The following SPAG16 variants were observed in gnomAD, a reference collection of about 807,000 sequenced individuals.
The protein encoded by SPAG16 is sperm associated antigen 16, also known as sperm-associated antigen 16 protein.
A neutral mutation model predicts 80.4 loss-of-function variants in SPAG16; 86 were observed. The observed-to-expected ratio is 1.07, with a 90% CI of 0.90 to 1.28. SPAG16 has a LOEUF of 1.28. Among genes scored for constraint, SPAG16 ranks in the 50% most tolerant of loss-of-function variants. SPAG16 has a pLI of 0.00. For synonymous variants in SPAG16, 294 were observed against 265.9 expected (o/e 1.11, Z -1.03); for missense variants, 870 against 765.3 (o/e 1.14, Z -1.61).
intron 15 of SPAG16, among the ~76,000 whole-genome samples, chr2:214,211,361 C>A (rs2058288359): frequency 6.6e-6 from 1 of 151,976 alleles, no homozygotes; most frequent in Admixed American, 6.6e-5. Context: ...GTGGTCAGGC[C>A]CACAAAAGTC....
intron 15 of SPAG16, among the ~76,000 whole-genome samples, chr2:214,401,847 T>C (rs891776284): frequency 6.6e-6 from 1 of 151,980 alleles, no homozygotes; most frequent in African/African-American, 2.4e-5. Context: ...TTGTAACCTT[T>C]TTGCTAGTGT....
intron 13 of SPAG16, among the ~76,000 whole-genome samples, chr2:214,100,105 A>G (rs947853956): frequency 1.3e-5 from 2 of 152,068 alleles, no homozygotes; most frequent in Non-Finnish European, 2.9e-5. Flanking sequence ...GTGAGTTAAC[A>G]TGAGATCTGA....
intron 12 of SPAG16, among the ~76,000 whole-genome samples, chr2:213,949,179 T>TTTTTTTTGTTTTTTTTTTTTGTTTTG (rs1553677663): frequency 2.8e-5 from 1 of 36,264 alleles, no homozygotes; most frequent in Non-Finnish European, 5.5e-5. Flanking sequence ...GTTTTTTTTT[T>TTTTTTTTGTTTTTTTTTTTTGTTTTG]TTTTTTTTTT....
intron 14 of SPAG16, among the ~76,000 whole-genome samples, chr2:214,110,141 AT>A (rs34336161): frequency 1.2e-4 from 18 of 151,974 alleles, no homozygotes; most frequent in African/African-American, 4.3e-4. Flanking sequence ...AAAGTAGCTA[AT>A]TTTTTTTATT....
At chr2:213,766,595 G>A (rs1210984331) in intron 10 of SPAG16, among the ~76,000 whole-genome samples, 1 of 152,160 alleles carries the variant, frequency 6.6e-6, no homozygotes, top group African/African-American at 2.4e-5. Flanking sequence ...ATCTCTGACA[G>A]CTCAGATATG....
intron 11 of SPAG16, among the ~76,000 whole-genome samples, chr2:213,920,836 G>A (rs1308632688): frequency 6.6e-6 from 1 of 152,242 alleles, no homozygotes; most frequent in Admixed American, 6.5e-5. Flanking sequence ...CGAGTGCTTA[G>A]GCACCAAATC....
intron 9 of SPAG16, among the ~76,000 whole-genome samples, chr2:213,459,631 G>A (rs1173114647): frequency 6.6e-6 from 1 of 152,178 alleles, no homozygotes; most frequent in African/African-American, 2.4e-5. Flanking sequence ...TGTAGTCCTT[G>A]TTTCAATTTC....
At chr2:213,633,450 C>A (rs2062234118) in intron 10 of SPAG16, among the ~76,000 whole-genome samples, 1 of 152,124 alleles carries the variant, frequency 6.6e-6, no homozygotes, top group Admixed American at 6.5e-5. Context: ...AATATATAGT[C>A]TATCATTGAG....
intron 1 of SPAG16, among the ~76,000 whole-genome samples, chr2:213,288,665 A>G (rs1366959248): frequency 3.3e-5 from 5 of 151,838 alleles, no homozygotes; most frequent in South Asian, 4.2e-4. Flanking sequence ...TTTTAAAGCT[A>G]AACATTGTAG....
At position 213,668,892 on chromosome 2, in the gene SPAG16, C is replaced by T. The variant is rs974281805; in HGVS notation, c.1070+178802C>T. On this transcript the variant is annotated intron_variant, in intron 10 of 15. Coordinates refer to ENST00000331683, the MANE Select transcript of SPAG16 (RefSeq NM_024532.5). ...CTCGGTCTCCTGACCTCTTGATCTG[C>T]CTGCCTCGGCCTCCCTAAGTGCTGG... is the stretch of plus-strand genomic sequence containing the variant. Among the ~76,000 whole-genome samples, 4 of 152,282 alleles carry T rather than the reference C, an allele frequency of 2.6e-5. No individual in the cohort carries two copies. The South Asian group carries it at 8.3e-4, about 32-fold the overall frequency.
At chr2:213,829,809 G>A (rs980504616) in intron 10 of SPAG16, among the ~76,000 whole-genome samples, 1 of 152,106 alleles carries the variant, frequency 6.6e-6, no homozygotes, top group African/African-American at 2.4e-5. Context: ...AGGAATGACG[G>A]CCTAGAATAA....
At chr2:213,322,026 A>G (rs991373569) in intron 5 of SPAG16, among the ~76,000 whole-genome samples, 1 of 151,916 alleles carries the variant, frequency 6.6e-6, no homozygotes, top group Non-Finnish European at 1.5e-5. Context: ...ATACATATGT[A>G]ACTAACTTGC....
intron 10 of SPAG16, among the ~76,000 whole-genome samples, chr2:213,614,183 G>A (rs1040967398): frequency 2.6e-5 from 4 of 152,168 alleles, no homozygotes; most frequent in African/African-American, 9.7e-5. Context: ...ATGAAACTAA[G>A]TCTGTTTTGC....
At chr2:213,629,313 T>A (rs2062062310) in intron 10 of SPAG16, among the ~76,000 whole-genome samples, 1 of 152,190 alleles carries the variant, frequency 6.6e-6, no homozygotes, top group African/African-American at 2.4e-5. Context: ...AACCAAGGAC[T>A]ACACGTGTTA....
intron 10 of SPAG16, among the ~76,000 whole-genome samples, chr2:213,695,422 A>G (rs1321882063): frequency 6.6e-6 from 1 of 152,230 alleles, no homozygotes; most frequent in East Asian, 1.9e-4. Context: ...TATAAATCAT[A>G]TATTAATCAC....
intron 9 of SPAG16, among the ~76,000 whole-genome samples, chr2:213,475,442 G>A (rs1250116446): frequency 6.6e-6 from 1 of 152,206 alleles, no homozygotes; most frequent in African/African-American, 2.4e-5. Flanking sequence ...CACTTGAGGG[G>A]AGTGCAGGCT....
chr2:213,955,048 T>C (rs13419169), intron 12 of SPAG16, among the ~76,000 whole-genome samples: 49,818 of 151,990 alleles, frequency 0.33, 8,895 homozygotes, highest in South Asian at 0.47. Flanking sequence ...ATATTTCTTT[T>C]ATTTCTTTTT....
chr2:213,988,809 A>G (rs1373679906), intron 12 of SPAG16, among the ~76,000 whole-genome samples: 3 of 152,160 alleles, frequency 2.0e-5, no homozygotes, highest in Non-Finnish European at 4.4e-5. Context: ...TCAAAACATG[A>G]AAGACATACA....
chr2:214,176,017 A>G (rs1390944195), intron 15 of SPAG16, among the ~76,000 whole-genome samples: 2 of 151,510 alleles, frequency 1.3e-5, no homozygotes, highest in Non-Finnish European at 3.0e-5. Context: ...AAACATTTTT[A>G]CTGCTTATAA....
Sources: allele counts gnomAD v4.1 joint callset (sites outside exome capture counted in the v4.1 genomes callset), GRCh38; gene constraint gnomAD v4.1.1; transcripts MANE v1.5; gene names NCBI Gene and HGNC (gene_info 2026-07-23, HGNC 2026-07-21).